SLC12A8: variants seen among roughly 807,000 people sequenced by gnomAD.
The protein encoded by SLC12A8 is solute carrier family 12 member 8, also known as cation-chloride cotransporter 9.
SLC12A8 carries 69 observed loss-of-function variants against 75.6 expected under a neutral mutation model. That is an observed-to-expected ratio of 0.91 (90% CI 0.75 to 1.11). The LOEUF (loss-of-function observed/expected upper bound fraction) is 1.11, where lower values mean the gene tolerates loss of function less well. SLC12A8 is among the 50% of genes most tolerant of loss of function. The pLI is 0.00. For synonymous variants in SLC12A8, 365 were observed against 372.8 expected (o/e 0.98, Z 0.24); for missense variants, 877 against 896.7 (o/e 0.98, Z 0.28).
At chr3:125,205,924 T>C (rs1275557142) in intron 2 of SLC12A8, among the ~76,000 whole-genome samples, 2 of 152,114 alleles carry the variant, frequency 1.3e-5, no homozygotes, top group African/African-American at 4.8e-5. Flanking sequence ...ACCCAACCAT[T>C]TGGGCCCCAG....
intron 2 of SLC12A8, among the ~76,000 whole-genome samples, chr3:125,210,213 A>G (rs1935308773): frequency 6.6e-6 from 1 of 152,222 alleles, no homozygotes; most frequent in Middle Eastern, 3.2e-3. Flanking sequence ...TTAAATACCA[A>G]TTTAAATACT....
chr3:125,110,401 C>G, intron 8 of SLC12A8, 66 bp from the exon 9 acceptor site: 1 of 1,508,326 alleles, frequency 6.6e-7, no homozygotes, highest in Non-Finnish European at 9.1e-7. Context: ...ACCCCCCCAG[C>G]ACCCACCCAC....
At chr3:125,183,892 G>C (rs1193740540) in intron 4 of SLC12A8, among the ~76,000 whole-genome samples, 3 of 152,068 alleles carry the variant, frequency 2.0e-5, no homozygotes, top group Admixed American at 1.3e-4. Flanking sequence ...ACCAAGGCCT[G>C]AGAGGGATGA....
chr3:125,145,759 AATTAT>A (rs1027275767), intron 5 of SLC12A8, among the ~76,000 whole-genome samples: 109 of 152,350 alleles, frequency 7.2e-4, no homozygotes, highest in African/African-American at 2.5e-3. Flanking sequence ...AATAAAATAC[AATTAT>A]ATTATAATAA....
At chr3:125,148,237 G>A (rs1933833367) in intron 5 of SLC12A8, among the ~76,000 whole-genome samples, 1 of 152,226 alleles carries the variant, frequency 6.6e-6, no homozygotes, top group Non-Finnish European at 1.5e-5. Flanking sequence ...AAAGGCAAAT[G>A]CAATCCCCAG....
intron 10 of SLC12A8, among the ~76,000 whole-genome samples, chr3:125,099,653 G>A (rs1241959871): frequency 6.6e-6 from 1 of 152,300 alleles, no homozygotes; most frequent in South Asian, 2.1e-4. Flanking sequence ...TAAAGGCCAG[G>A]TACAGTGGCT....
At chr3:125,101,057 GTTCA>G (rs1020282919) in intron 10 of SLC12A8, among the ~76,000 whole-genome samples, 10 of 148,132 alleles carry the variant, frequency 6.8e-5, no homozygotes, top group African/African-American at 2.5e-4. Flanking sequence ...TTTAATTTGT[GTTCA>G]TTTAATCAAT....
At chr3:125,107,429 A>C in intron 10 of SLC12A8, 52 bp downstream of exon 10, 1 of 1,503,134 alleles carries the variant, frequency 6.7e-7, no homozygotes, top group Non-Finnish European at 9.0e-7. Flanking sequence ...AGGTAGGATA[A>C]TCAGTGGTCA....
chr3:125,090,295 A>G (rs1938554064), intron 12 of SLC12A8, among the ~76,000 whole-genome samples: 1 of 152,166 alleles, frequency 6.6e-6, no homozygotes. Flanking sequence ...TCTTGAATTG[A>G]CTTGAATACT....
Position 125,120,636 on chromosome 3 carries a change from T to C in SLC12A8, c.787A>G (p.Ser263Gly). The change falls in exon 7 of 14, where the codon AGC becomes GGC. Residue 263 changes from serine (S) to glycine (G), a missense_variant. Physicochemically the swap from Ser to Gly is moderately conservative, Grantham distance 56 (BLOSUM62 0). Transcript: ENST00000469902. ...MGGDLREPAA[S>G]IPLGSLAAVG... ...GCTGCCAGGGAGCCCAGGGGAATGC[T>C]GGCGGCAGGCTCCCTGAGGTCGCCC... 1 of 1,613,758 alleles carries C rather than the reference T, an allele frequency of 6.2e-7. No individual in the cohort carries two copies. Among genetic ancestry groups the C allele is most frequent in the Non-Finnish European group, 8.5e-7 (1 of 1,179,936 alleles).
intron 6 of SLC12A8, among the ~76,000 whole-genome samples, chr3:125,128,749 C>G (rs1933280995): frequency 6.6e-6 from 1 of 152,150 alleles, no homozygotes; most frequent in Admixed American, 6.5e-5. Context: ...CTCTCTAGTC[C>G]TTAAACATGG....
intron 13 of SLC12A8, among the ~76,000 whole-genome samples, chr3:125,084,487 G>A (rs1365240472): frequency 1.3e-5 from 2 of 152,204 alleles, no homozygotes; most frequent in African/African-American, 4.8e-5. Flanking sequence ...GTTGAATAAG[G>A]AGTGATTTCA....
At chr3:125,175,580 G>A (rs1047952274) in intron 5 of SLC12A8, among the ~76,000 whole-genome samples, 8 of 152,250 alleles carry the variant, frequency 5.3e-5, no homozygotes, top group Admixed American at 4.6e-4. Context: ...CCAGTAGCAC[G>A]GCCTTGCAAT....
intron 5 of SLC12A8, among the ~76,000 whole-genome samples, chr3:125,171,118 T>G (rs1328699371): frequency 6.6e-6 from 1 of 152,262 alleles, no homozygotes; most frequent in African/African-American, 2.4e-5. Context: ...ATAGTTTGAC[T>G]TAAGTGTATT....
At chr3:125,193,349 G>GAT (rs1324680824) in intron 2 of SLC12A8, among the ~76,000 whole-genome samples, 1 of 152,174 alleles carries the variant, frequency 6.6e-6, no homozygotes, top group Non-Finnish European at 1.5e-5. Flanking sequence ...CAGGCTGGGT[G>GAT]ATAGAGTGAG....
At chr3:125,131,746 G>A (rs1010632967) in intron 6 of SLC12A8, among the ~76,000 whole-genome samples, 1 of 152,188 alleles carries the variant, frequency 6.6e-6, no homozygotes, top group African/African-American at 2.4e-5. Flanking sequence ...TCAGGGTGGG[G>A]ACAGTGTAAA....
At chr3:125,091,695 A>C in intron 11 of SLC12A8, 139 bp from the exon 12 acceptor site, 1 of 626,096 alleles carries the variant, frequency 1.6e-6, no homozygotes. Flanking sequence ...ATTGAAGTTT[A>C]TGAAGAATTC....
At chr3:125,204,955 G>T (rs1168892695) in intron 2 of SLC12A8, among the ~76,000 whole-genome samples, 2 of 152,122 alleles carry the variant, frequency 1.3e-5, no homozygotes, top group African/African-American at 4.8e-5. Context: ...AAAAGGCTTA[G>T]CCATGAACAC....
intron 5 of SLC12A8, among the ~76,000 whole-genome samples, chr3:125,156,789 C>G (rs1357382867): frequency 6.6e-6 from 1 of 152,214 alleles, no homozygotes; most frequent in Non-Finnish European, 1.5e-5. Flanking sequence ...GGGCCCCAGC[C>G]TCAGTCCCTC....
Sources: gnomAD v4.1 joint callset for allele counts (sites outside exome capture counted in the v4.1 genomes callset) on GRCh38, gnomAD v4.1.1 for gene constraint, MANE v1.5 for transcripts, NCBI Gene and HGNC (gene_info 2026-07-23, HGNC 2026-07-21) for gene names.